The following SLC4A4 variants were observed in gnomAD, a reference collection of about 807,000 sequenced individuals.
SLC4A4 encodes electrogenic sodium bicarbonate cotransporter 1.
Under a neutral mutation model 111.5 loss-of-function variants are expected in SLC4A4, and 27 were observed. The ratio of observed to expected loss-of-function variants is 0.24; its 90% CI spans 0.18 to 0.33. The LOEUF is 0.33. SLC4A4 is among the 10% of genes least tolerant of loss of function. The pLI, the probability that SLC4A4 is intolerant of heterozygous loss-of-function variation, is 1.00. For missense variants in SLC4A4, 909 were observed against 1,315.5 expected (o/e 0.69, Z 4.78); for synonymous variants, 443 against 463.4 (o/e 0.96, Z 0.57).
At chr4:71,261,376 T>A (rs1721842746) in intron 3 of SLC4A4, among the ~76,000 whole-genome samples, 1 of 152,200 alleles carries the variant, frequency 6.6e-6, no homozygotes, top group South Asian at 2.1e-4. Context: ...ACAGGAAGGA[T>A]CTCTTTCTGG....
At chr4:71,071,152 T>C (rs1200826936) in intron 1 of SLC4A4, among the ~76,000 whole-genome samples, 1 of 151,698 alleles carries the variant, frequency 6.6e-6, no homozygotes, top group African/African-American at 2.4e-5. Flanking sequence ...ACTCCTGTAC[T>C]CCCAGCTATT....
At chr4:71,424,271 C>T (rs933291245) in intron 7 of SLC4A4, among the ~76,000 whole-genome samples, 2 of 152,062 alleles carry the variant, frequency 1.3e-5, no homozygotes, top group African/African-American at 4.8e-5. Flanking sequence ...CAGAGAAATG[C>T]AAATCAAAAC....
chr4:71,568,708 T>G lies in SLC4A4; in HGVS notation c.*957T>G, dbSNP rs1023342770. On this transcript the variant is annotated 3_prime_UTR_variant, in exon 26 of 26. Coordinates refer to ENST00000264485, the MANE Select transcript of SLC4A4 (RefSeq NM_001098484.3). ...AGTTTTGAGTAGTTCTACCTCTTAT[T>G]TGTAGCTGCCAGGCTTTCTGTAAAA... 9.2e-5 allele frequency: 14 copies of G among 152,150 alleles called. No individual in the cohort carries two copies. The highest frequency in any genetic ancestry group is 3.1e-4 in the African/African-American group (13 of 41,376). 9.4% of individuals were successfully genotyped at this position (152,150 alleles called of 1,614,324 possible). A position where few individuals can be genotyped will look rare whatever the true frequency, so the allele number is the denominator to read the frequency against.
At chr4:71,144,931 C>T (rs1356971229) in intron 2 of SLC4A4, among the ~76,000 whole-genome samples, 1 of 151,988 alleles carries the variant, frequency 6.6e-6, no homozygotes, top group Non-Finnish European at 1.5e-5. Flanking sequence ...TAATTGAATG[C>T]CCTTTATTTC....
At chr4:71,455,320 TAGAC>T (rs774490349) in intron 12 of SLC4A4, among the ~76,000 whole-genome samples, 2 of 152,236 alleles carry the variant, frequency 1.3e-5, no homozygotes, top group African/African-American at 2.4e-5. Context: ...AGAGATGAAA[TAGAC>T]AGAGCATGTT....
Position 71,570,098 on chromosome 4 carries a change from G to T in SLC4A4, c.*2347G>T. On this transcript the variant is annotated 3_prime_UTR_variant, in exon 26 of 26. Transcript: ENST00000264485. The stretch of plus-strand genomic sequence containing the variant: ...GTATAGTAAATTCAGCTTAACCCGT[G>T]ATCTTCTTAAGTTAAAGGTACTTTT... 1 of 151,644 alleles carries T rather than the reference G, an allele frequency of 6.6e-6. No individual in the cohort carries two copies. The highest frequency in any genetic ancestry group is 1.9e-4 in the East Asian group (1 of 5,140). 9.4% of individuals were successfully genotyped at this position (151,644 alleles called of 1,614,324 possible).
rs1446895017 is a variant in SLC4A4 at position 71,546,367 on chromosome 4, C to T, written c.2460C>T (p.His820=). The part of the protein sequence containing the change: ...EHKLKKGAGY[H]LDLFWVAILM... ...TTCTACAGAAAGGAGCAGGGTATCA[C>T]TTGGATCTCTTTTGGGTGGCCATCC... The change falls in exon 19 of 26, where the codon CAC becomes CAT. Residue 820 remains histidine, a synonymous_variant. Coordinates refer to ENST00000264485, the MANE Select transcript of SLC4A4 (RefSeq NM_001098484.3). 1.2e-6 allele frequency: 2 copies of T among 1,612,654 alleles called. No individual in the cohort carries two copies. Among genetic ancestry groups the T allele is most frequent in the South Asian group, 1.1e-5 (1 of 91,060 alleles).
chr4:71,337,910 A>G (rs1283132769), intron 3 of SLC4A4, among the ~76,000 whole-genome samples: 1 of 151,788 alleles, frequency 6.6e-6, no homozygotes, highest in Non-Finnish European at 1.5e-5. Context: ...GCTCACTGCA[A>G]CCTCTGTCTC....
intron 6 of SLC4A4, among the ~76,000 whole-genome samples, chr4:71,379,473 G>T (rs749581454): frequency 1.3e-5 from 2 of 151,920 alleles, no homozygotes; most frequent in East Asian, 3.9e-4. Flanking sequence ...CTTATGTCCC[G>T]CAGGAGACTT....
intron 1 of SLC4A4, among the ~76,000 whole-genome samples, chr4:71,192,902 G>C (rs1183373761): frequency 6.6e-6 from 1 of 152,090 alleles, no homozygotes; most frequent in African/African-American, 2.4e-5. Flanking sequence ...TGAGATAATG[G>C]TTACTTTCAC....
At chr4:71,337,445 T>C (rs1344845200) in intron 3 of SLC4A4, among the ~76,000 whole-genome samples, 1 of 152,224 alleles carries the variant, frequency 6.6e-6, no homozygotes, top group Non-Finnish European at 1.5e-5. Context: ...ATTTTATGAT[T>C]GAGTGGTATT....
At chr4:71,312,888 C>T (rs1237500916) in intron 3 of SLC4A4, among the ~76,000 whole-genome samples, 1 of 152,198 alleles carries the variant, frequency 6.6e-6, no homozygotes, top group African/African-American at 2.4e-5. Context: ...TCTCTCACCA[C>T]TCCTATTCAA....
At chr4:71,417,928 T>C (rs2149012640) in intron 7 of SLC4A4, among the ~76,000 whole-genome samples, 1 of 152,318 alleles carries the variant, frequency 6.6e-6, no homozygotes, top group South Asian at 2.1e-4. Flanking sequence ...TTTACGCTTT[T>C]GAGACTTAAT....
chr4:71,515,880 G>A (rs1466363938), intron 16 of SLC4A4, among the ~76,000 whole-genome samples: 1 of 151,840 alleles, frequency 6.6e-6, no homozygotes, highest in African/African-American at 2.4e-5. Flanking sequence ...TTTCTTATAA[G>A]TAGCATATAG....
chr4:71,145,638 G>T (rs538007654), intron 2 of SLC4A4, among the ~76,000 whole-genome samples: 10 of 152,022 alleles, frequency 6.6e-5, no homozygotes, highest in Non-Finnish European at 1.5e-4. Context: ...TGTTATTGGT[G>T]TATTCAGAGA....
At chr4:71,431,605 A>C (rs761354896) in intron 7 of SLC4A4, among the ~76,000 whole-genome samples, 27 of 152,158 alleles carry the variant, frequency 1.8e-4, no homozygotes, top group Non-Finnish European at 3.7e-4. Context: ...TACAGAGTCC[A>C]TTCCTTCATA....
intron 15 of SLC4A4, among the ~76,000 whole-genome samples, chr4:71,490,538 T>C (rs2149137236): frequency 6.6e-6 from 1 of 151,898 alleles, no homozygotes; most frequent in South Asian, 2.1e-4. Context: ...GCCCCTAGCC[T>C]TCAGATGGCA....
intron 1 of SLC4A4, among the ~76,000 whole-genome samples, chr4:71,234,613 C>T (rs1436076588): frequency 2.0e-5 from 3 of 152,042 alleles, no homozygotes; most frequent in Non-Finnish European, 2.9e-5. Flanking sequence ...TTAGTGGAGA[C>T]GGGGTTTCAC....
chr4:71,182,475 C>A (rs534137593), upstream of SLC4A4, among the ~76,000 whole-genome samples: 1 of 152,016 alleles, frequency 6.6e-6, no homozygotes. Context: ...GGGATGTGAA[C>A]GGTAATAGGC....
Sources: allele counts gnomAD v4.1 joint callset (sites outside exome capture counted in the v4.1 genomes callset), GRCh38; gene constraint gnomAD v4.1.1; transcripts MANE v1.5; gene names NCBI Gene and HGNC (gene_info 2026-07-23, HGNC 2026-07-21).